NFIB: variants seen among roughly 807,000 people sequenced by gnomAD.
NFIB encodes nuclear factor 1 B-type.
A neutral mutation model predicts 61.5 loss-of-function variants in NFIB; 11 were observed. That is an observed-to-expected ratio of 0.18 (90% confidence interval 0.11 to 0.30). The LOEUF (loss-of-function observed/expected upper bound fraction) is 0.30. NFIB is among the 10% of genes least tolerant of loss of function. The pLI is 1.00. For missense variants in NFIB, 471 were observed against 608.9 expected, an observed-to-expected ratio of 0.77 and a Z score of 2.38; for synonymous variants, 260 against 216.5, an observed-to-expected ratio of 1.20 and a Z score of -1.76.
chr9:14,506,892 C>T, the NFIB span, among the ~76,000 whole-genome samples: 1 of 152,102 alleles, frequency 6.6e-6, no homozygotes, highest in African/African-American at 2.4e-5. Context: ...TTAGAAAACA[C>T]ATAACTTATT....
intron 2 of NFIB, among the ~76,000 whole-genome samples, chr9:14,298,346 T>C (rs1361898967): frequency 6.6e-6 from 1 of 152,166 alleles, no homozygotes; most frequent in Non-Finnish European, 1.5e-5. Context: ...AATAAAATAT[T>C]TTTATCGTAG....
At chr9:14,366,718 T>G (rs1488629509) in intron 1 of NFIB, among the ~76,000 whole-genome samples, 2 of 152,142 alleles carry the variant, frequency 1.3e-5, no homozygotes. Flanking sequence ...ACTCCTGACC[T>G]CTTGATGTGC....
rs564747688 is a variant in NFIB, at chr9:14,301,893, T to G, written c.562+5096A>C. The stretch of plus-strand genomic sequence containing the variant: ...AAGACATGCCAATAAGAGCCCTTCT[T>G]TATCTTGTGAATTGTGTATGAGCCA... On this transcript the variant is annotated intron_variant, in intron 2 of 10. Coordinates refer to ENST00000380953, the MANE Select transcript of NFIB (RefSeq NM_001190737.2). Among the ~76,000 whole-genome samples the G allele has an allele frequency of 4.6e-5, 7 of 152,320 alleles. No individual in the cohort carries two copies. The East Asian group carries it at 7.7e-4, about 17-fold the overall frequency.
chr9:14,086,790 TTTTG>T lies in NFIB; in HGVS notation c.*1515_*1518del, dbSNP rs1292769571. ...TTGTTGTATTTTTTTGTTTTTTTTT[TTTTG>T]TTTTTTGTTTTTTAGATTTCAAGGC... On this transcript the variant is annotated 3_prime_UTR_variant, in exon 11 of 11. Transcript: ENST00000380953. 2.9e-5 allele frequency: 6 copies of T among 206,594 alleles called. No homozygotes were observed. Among genetic ancestry groups the T allele is most frequent in the Non-Finnish European group, 5.9e-5 (6 of 101,048 alleles). The allele number at this position is 206,594 out of a possible 1,614,324, so 12.8% of individuals were successfully genotyped here.
chr9:14,348,249 C>T (rs1381757228), intron 1 of NFIB, among the ~76,000 whole-genome samples: 1 of 151,900 alleles, frequency 6.6e-6, no homozygotes, highest in African/African-American at 2.4e-5. Flanking sequence ...CACCCTTTTC[C>T]TTTTTTGCTT....
chr9:14,141,785 A>C (rs1349523183), intron 6 of NFIB, among the ~76,000 whole-genome samples: 1 of 151,708 alleles, frequency 6.6e-6, no homozygotes, highest in East Asian at 1.9e-4. Flanking sequence ...TCTGGCTGAA[A>C]AGCTGTTCAA....
intron 2 of NFIB, among the ~76,000 whole-genome samples, chr9:14,295,061 T>C (rs1405041732): frequency 1.3e-5 from 2 of 152,238 alleles, no homozygotes; most frequent in Non-Finnish European, 2.9e-5. Flanking sequence ...TGGCTTCCAG[T>C]TGTTCTTAGC....
At chr9:14,298,804 A>G (rs1269249526) in intron 2 of NFIB, among the ~76,000 whole-genome samples, 1 of 152,228 alleles carries the variant, frequency 6.6e-6, no homozygotes, top group East Asian at 1.9e-4. Flanking sequence ...CAAGGGATTC[A>G]GGTAGCAACT....
the NFIB span, among the ~76,000 whole-genome samples, chr9:14,442,101 G>A: frequency 6.6e-6 from 1 of 152,146 alleles, no homozygotes; most frequent in Non-Finnish European, 1.5e-5. Flanking sequence ...GCTTGCTCAG[G>A]ATCACACAGG....
Position 14,116,271 on chromosome 9 carries a change from T to C in NFIB, c.1321A>G (p.Ser441Gly). 6.5e-7 allele frequency: 1 copy of C among 1,538,604 alleles called. No individual in the cohort carries two copies. Among genetic ancestry groups the C allele is most frequent in the Non-Finnish European group, 8.8e-7 (1 of 1,140,328 alleles). The change falls in exon 9 of 11, where the codon AGT (serine) becomes GGT (glycine). Residue 441 changes from serine (S) to glycine (G), a missense_variant. This residue lies in a region of NFIB where 372 missense variants were observed against 395.6 expected (regional missense o/e 0.94). Coordinates refer to ENST00000380953, the MANE Select transcript of NFIB (RefSeq NM_001190737.2). The part of the protein sequence containing the change: ...TPVLAPSPHP[S>G]AVRPVTLSMT... ...CTCAGGGTCACAGGTCGCACTGCAC[T>C]GGGATGGGGAGAGGGTGCCAAGACA...
intron 2 of NFIB, among the ~76,000 whole-genome samples, chr9:14,216,336 G>A (rs1262941729): frequency 6.6e-6 from 1 of 152,120 alleles, no homozygotes; most frequent in African/African-American, 2.4e-5. Flanking sequence ...GCATGTATTC[G>A]TTTTTCAAGT....
At chr9:14,339,581 A>G (rs548212364) in intron 1 of NFIB, among the ~76,000 whole-genome samples, 6 of 152,322 alleles carry the variant, frequency 3.9e-5, no homozygotes, top group South Asian at 4.1e-4. Flanking sequence ...ATTTACTACC[A>G]TCTGCAAATA....
chr9:14,346,296 C>CCCCG (rs1554715701), intron 1 of NFIB, among the ~76,000 whole-genome samples: 3 of 142,734 alleles, frequency 2.1e-5, no homozygotes, highest in East Asian at 2.0e-4. Context: ...CGACACCCCC[C>CCCCG]CCCCGTAACC....
At chr9:14,470,022 C>G in the NFIB span, among the ~76,000 whole-genome samples, 2 of 152,196 alleles carry the variant, frequency 1.3e-5, no homozygotes, top group African/African-American at 2.4e-5. Flanking sequence ...TGCAAACAGA[C>G]TGGCAGGTAC....
chr9:14,479,524 G>T, the NFIB span, among the ~76,000 whole-genome samples: 154 of 152,186 alleles, frequency 1.0e-3, no homozygotes, highest in Non-Finnish European at 1.5e-3. Flanking sequence ...ACACAGGACA[G>T]TTCCTTGCAC....
chr9:14,527,679 A>T, the NFIB span, among the ~76,000 whole-genome samples: 52 of 152,176 alleles, frequency 3.4e-4, no homozygotes, highest in Non-Finnish European at 7.4e-4. Flanking sequence ...TTGTCAACTG[A>T]AACATAAATT....
intron 2 of NFIB, among the ~76,000 whole-genome samples, chr9:14,189,189 C>T (rs2382451): frequency 0.68 from 104,123 of 152,096 alleles, 39,060 homozygotes; most frequent in Non-Finnish European, 0.84. Context: ...CCCCTCTGTG[C>T]TATGTCACTT....
chr9:14,424,008 G>A, the NFIB span, among the ~76,000 whole-genome samples: 1,725 of 151,490 alleles, frequency 0.011, 17 homozygotes, highest in Middle Eastern at 0.044. Context: ...TTTATCTCTC[G>A]CTTTTTTGGC....
the NFIB span, among the ~76,000 whole-genome samples, chr9:14,450,794 T>C: frequency 5.3e-5 from 8 of 152,232 alleles, no homozygotes; most frequent in Admixed American, 1.3e-4. Flanking sequence ...CCATGAAGTA[T>C]CTATTTACTG....
Sources: allele counts gnomAD v4.1 joint callset (sites outside exome capture counted in the v4.1 genomes callset), GRCh38; gene constraint gnomAD v4.1.1; regional missense constraint gnomAD v4.1.1; transcripts MANE v1.5; gene names NCBI Gene and HGNC (gene_info 2026-07-23, HGNC 2026-07-21).